The following CTDSPL2 variants were observed in gnomAD, a reference collection of about 807,000 sequenced individuals.
CTDSPL2 encodes the protein CTD small phosphatase like 2.
A neutral mutation model predicts 60.0 loss-of-function variants in CTDSPL2; 5 were observed. The ratio of observed to expected loss-of-function variants is 0.08; its 90% CI spans 0.04 to 0.18. The LOEUF (loss-of-function observed/expected upper bound fraction) is 0.18. CTDSPL2 is among the 10% of genes least tolerant of loss of function. The pLI, the probability that CTDSPL2 is intolerant of heterozygous loss-of-function variation, is 1.00. For synonymous variants in CTDSPL2, 186 were observed against 189.3 expected (o/e 0.98, Z 0.14); for missense variants, 370 against 548.8 (o/e 0.67, Z 3.26).
chr15:44,431,576 A>G (rs1397925176), intron 1 of CTDSPL2, among the ~76,000 whole-genome samples: 1 of 152,200 alleles, frequency 6.6e-6, no homozygotes, highest in Non-Finnish European at 1.5e-5. Flanking sequence ...GAAAGAGGAA[A>G]CTTTAAAAAT....
rs753896129 is a variant in CTDSPL2 at position 44,506,025 on chromosome 15, C to CTTT, written c.969+6232_969+6234dup. Among the ~76,000 whole-genome samples, 401 of 117,534 alleles carry CTTT rather than the reference C, an allele frequency of 3.4e-3. 12 individuals are homozygous for CTTT. Among genetic ancestry groups the CTTT allele is most frequent in the African/African-American group, 9.4e-3 (302 of 32,032 alleles). The allele number at this position is 117,534 out of a possible 152,430, so 77.1% of individuals were successfully genotyped here. A position where few individuals can be genotyped will look rare whatever the true frequency, so the allele number is the denominator to read the frequency against. ...GATGAAAATTATGCTTCATTGGTAA[C>CTTT]TTTTTTTTTTTTTTTTTTTTTTGAG... On this transcript the variant is annotated intron_variant, in intron 8 of 12. Transcript: ENST00000260327.
chr15:44,469,108 A>G (rs2080754625), intron 2 of CTDSPL2, among the ~76,000 whole-genome samples: 1 of 152,208 alleles, frequency 6.6e-6, no homozygotes, highest in Admixed American at 6.5e-5. Context: ...TGTCTAATTT[A>G]TAATTCAAGG....
At chr15:44,457,799 A>G (rs576614019) in intron 1 of CTDSPL2, among the ~76,000 whole-genome samples, 4 of 152,226 alleles carry the variant, frequency 2.6e-5, no homozygotes, top group African/African-American at 9.6e-5. Context: ...TTTAGTAGAG[A>G]CAGGGTTTCT....
intron 1 of CTDSPL2, among the ~76,000 whole-genome samples, chr15:44,442,715 C>A (rs1276742916): frequency 6.6e-6 from 1 of 152,034 alleles, no homozygotes; most frequent in Non-Finnish European, 1.5e-5. Flanking sequence ...GTAGCTCACG[C>A]CTGTAATCAC....
At chr15:44,493,349 A>G (rs1042262683) in intron 5 of CTDSPL2, among the ~76,000 whole-genome samples, 1 of 152,220 alleles carries the variant, frequency 6.6e-6, no homozygotes, top group Non-Finnish European at 1.5e-5. Context: ...GAAGGTAGGA[A>G]GCTAGCAGCT....
At chr15:44,458,147 G>A (rs1429473899) in intron 1 of CTDSPL2, among the ~76,000 whole-genome samples, 1 of 152,126 alleles carries the variant, frequency 6.6e-6, no homozygotes, top group Non-Finnish European at 1.5e-5. Context: ...CCTCAGAATG[G>A]TAAGGTAAAT....
chr15:44,502,541 G>C (rs1395539602), intron 8 of CTDSPL2, among the ~76,000 whole-genome samples: 1 of 152,012 alleles, frequency 6.6e-6, no homozygotes, highest in Non-Finnish European at 1.5e-5. Context: ...ACTGCTTTTT[G>C]TGCTATTGCA....
At chr15:44,505,394 C>T (rs950696864) in intron 8 of CTDSPL2, among the ~76,000 whole-genome samples, 1 of 151,584 alleles carries the variant, frequency 6.6e-6, no homozygotes, top group Non-Finnish European at 1.5e-5. Flanking sequence ...CTGCACTCCA[C>T]CCTGGGTGAC....
chr15:44,460,997 G>T (rs910572491), intron 2 of CTDSPL2, among the ~76,000 whole-genome samples: 3 of 151,990 alleles, frequency 2.0e-5, no homozygotes, highest in African/African-American at 4.8e-5. Context: ...TTACTTTTTT[G>T]TAGTTTTTTC....
At chr15:44,487,179 T>G (rs2081136248) in intron 4 of CTDSPL2, among the ~76,000 whole-genome samples, 1 of 152,076 alleles carries the variant, frequency 6.6e-6, no homozygotes, top group Non-Finnish European at 1.5e-5. Context: ...GGGAGCTGGG[T>G]GTGGTGGCTG....
chr15:44,504,101 A>G (rs1387302871), intron 8 of CTDSPL2, among the ~76,000 whole-genome samples: 1 of 152,164 alleles, frequency 6.6e-6, no homozygotes, highest in Admixed American at 6.5e-5. Context: ...TAATCCCAGC[A>G]CTTTGGGAGG....
chr15:44,455,839 A>ATTTTTTT (rs35307134), intron 1 of CTDSPL2, among the ~76,000 whole-genome samples: 4 of 47,510 alleles, frequency 8.4e-5, no homozygotes, highest in African/African-American at 2.9e-4. Context: ...TTTATTGAGG[A>ATTTTTTT]TTTTTTTTTT....
At chr15:44,444,973 G>C (rs1178796197) in intron 1 of CTDSPL2, among the ~76,000 whole-genome samples, 1 of 144,858 alleles carries the variant, frequency 6.9e-6, no homozygotes, top group Non-Finnish European at 1.5e-5. Flanking sequence ...TCAGCCTCCC[G>C]AGTAGCTGGG....
intron 1 of CTDSPL2, among the ~76,000 whole-genome samples, chr15:44,446,988 C>T (rs185921494): frequency 1.3e-5 from 2 of 151,688 alleles, no homozygotes; most frequent in Admixed American, 6.6e-5. Flanking sequence ...CTCCAGACCT[C>T]GTGAGCCACT....
At chr15:44,427,910 T>TG (rs2079778933) in intron 1 of CTDSPL2, 138 bp downstream of exon 1, 1 of 378,084 alleles carries the variant, frequency 2.6e-6, no homozygotes, top group South Asian at 1.5e-4. Context: ...ATGCACTCTT[T>TG]GGCGCCTCGT....
At chr15:44,470,695 A>G (rs1168284998) in intron 2 of CTDSPL2, 4 of 151,974 alleles carry the variant, frequency 2.6e-5, no homozygotes, top group African/African-American at 7.3e-5. Context: ...TGATACACCA[A>G]CCTTGGCCTC....
intron 2 of CTDSPL2, among the ~76,000 whole-genome samples, chr15:44,481,613 G>A (rs142371875): frequency 3.9e-5 from 6 of 152,216 alleles, no homozygotes; most frequent in Non-Finnish European, 8.8e-5. Flanking sequence ...CACTCTTGTT[G>A]CCTAGGCTGA....
intron 7 of CTDSPL2, among the ~76,000 whole-genome samples, chr15:44,498,113 T>C (rs781333446): frequency 4.6e-5 from 7 of 152,246 alleles, no homozygotes; most frequent in Non-Finnish European, 8.8e-5. Context: ...TGATTTCTTA[T>C]TAATTTTGCA....
At chr15:44,455,464 A>T (rs2080415349) in intron 1 of CTDSPL2, among the ~76,000 whole-genome samples, 1 of 152,182 alleles carries the variant, frequency 6.6e-6, no homozygotes, top group African/African-American at 2.4e-5. Flanking sequence ...TATGTTGAAT[A>T]GGAGTGGTGA....
Sources: allele counts gnomAD v4.1 joint callset (sites outside exome capture counted in the v4.1 genomes callset), GRCh38; gene constraint gnomAD v4.1.1; transcripts MANE v1.5; gene names NCBI Gene and HGNC (gene_info 2026-07-23, HGNC 2026-07-21).